RPS9: variants seen among roughly 807,000 people sequenced by gnomAD.
RPS9 encodes the protein small ribosomal subunit protein uS4.
RPS9 carries 1 observed loss-of-function variant against 16.9 expected under a neutral mutation model. That is an observed-to-expected ratio of 0.06 (90% CI 0.02 to 0.28). The LOEUF (loss-of-function observed/expected upper bound fraction) is 0.28, where lower values mean the gene tolerates loss of function less well. Among genes scored for constraint, RPS9 ranks in the 10% least tolerant of loss-of-function variants. RPS9 has a pLI of 1.00. For missense variants in RPS9, 137 were observed against 273.2 expected (o/e 0.50, Z 3.51); for synonymous variants, 106 against 110.9 (o/e 0.96, Z 0.28).
intron 3 of RPS9, among the ~76,000 whole-genome samples, chr19:54,205,167 A>G (rs1485206191): frequency 6.6e-6 from 1 of 152,094 alleles, no homozygotes; most frequent in African/African-American, 2.4e-5. Context: ...ACCCCAGTCA[A>G]GGGGCAGTTG....
intron 1 of RPS9, 84 bp from the exon 2 acceptor site, chr19:54,201,067 GATCGGATCT>G: frequency 6.6e-7 from 1 of 1,524,356 alleles, no homozygotes; most frequent in African/African-American, 1.4e-5. Context: ...ATTCTCGCGA[GATCGGATCT>G]GGGCTCCGCG....
chr19:54,201,089 G>T, intron 1 of RPS9, 71 bp from the exon 2 acceptor site: 1 of 1,581,580 alleles, frequency 6.3e-7, no homozygotes, highest in Non-Finnish European at 8.6e-7. Context: ...GCTCCGCGAG[G>T]TTTTGGCGTA....
At chr19:54,204,152 G>T (rs1378480565) in intron 3 of RPS9, among the ~76,000 whole-genome samples, 1 of 152,214 alleles carries the variant, frequency 6.6e-6, no homozygotes, top group Non-Finnish European at 1.5e-5. Flanking sequence ...GGCAGAGGCA[G>T]GCGGATCACC....
At chr19:54,206,888 G>A (rs991261136) in intron 4 of RPS9, 28 of 600,284 alleles carry the variant, frequency 4.7e-5, no homozygotes, top group African/African-American at 4.6e-4. Context: ...TGGCACCATT[G>A]AGGGGGAGGA....
intron 3 of RPS9, chr19:54,202,572 T>G (rs2077096224): frequency 1.0e-6 from 1 of 983,886 alleles, no homozygotes; most frequent in South Asian, 4.7e-5. Context: ...AAATACACAT[T>G]AAATTGAAAA....
Position 54,201,032 on chromosome 19 carries a change from A to G in RPS9, c.-25-128A>G, listed in dbSNP as rs2147127428. 2.0e-6 allele frequency: 3 copies of G among 1,467,952 alleles called. No individual in the cohort carries two copies. In the East Asian group the frequency reaches 7.4e-5, roughly 36 times the overall value. 90.9% of individuals were successfully genotyped at this position (1,467,952 alleles called of 1,614,324 possible). ...GTGCAGCACGGTTGTGGGGGCAGAT[A>G]CTGACTATGAGAGCGTTGGAGGTTA... is the stretch of plus-strand genomic sequence containing the variant. On this transcript the variant is annotated intron_variant, in intron 1 of 4. Coordinates refer to ENST00000302907, the MANE Select transcript of RPS9 (RefSeq NM_001013.4).
At position 54,207,008 on chromosome 19, in the gene RPS9, C is replaced by T. The variant is rs761568972; in HGVS notation, c.408-390C>T. On this transcript the variant is annotated intron_variant, in intron 4 of 4. Coordinates refer to ENST00000302907, the MANE Select transcript of RPS9 (RefSeq NM_001013.4). The stretch of plus-strand genomic sequence containing the variant: ...TGTGTGTCAATGCTTTCGTCGGAGA[C>T]GTAGCCTCGGGTTGCTGTGTTATTG... The T allele has an allele frequency of 1.2e-5, 5 of 428,848 alleles. No individual in the cohort carries two copies. In the East Asian group the frequency reaches 1.7e-4, roughly 14 times the overall value. 26.6% of individuals were successfully genotyped at this position (428,848 alleles called of 1,614,324 possible).
intron 3 of RPS9, chr19:54,202,609 A>C: frequency 1.0e-6 from 1 of 985,406 alleles, no homozygotes; most frequent in Non-Finnish European, 1.2e-6. Flanking sequence ...TCTTGTTTTA[A>C]AATCTACTCT....
chr19:54,205,626 G>C (rs955912101), intron 3 of RPS9, among the ~76,000 whole-genome samples: 1 of 152,108 alleles, frequency 6.6e-6, no homozygotes, highest in African/African-American at 2.4e-5. Context: ...TACGGTGGTA[G>C]TAGCTTAATA....
Position 54,204,612 on chromosome 19 carries a change from C to A in RPS9, c.221-1664C>A, listed in dbSNP as rs530539358. ...TTGTTTTGGTACAAATGCGGTCTCACTGTGTTGCCGAGGCTAGTTTCAAAC... is the reference window on the plus strand; with the variant it reads ...TTGTTTTGGTACAAATGCGGTCTCAATGTGTTGCCGAGGCTAGTTTCAAAC... On this transcript the variant is annotated intron_variant, in intron 3 of 4. Coordinates refer to ENST00000302907, the MANE Select transcript of RPS9 (RefSeq NM_001013.4). 2.6e-5 allele frequency among the ~76,000 whole-genome samples: 4 copies of A among 152,196 alleles called. No homozygotes were observed. The East Asian group carries it at 7.7e-4, about 29-fold the overall frequency.
Position 54,202,704 on chromosome 19 carries a change from C to T in RPS9, c.220+1095C>T, listed in dbSNP as rs533239825. On this transcript the variant is annotated intron_variant, in intron 3 of 4. Transcript: ENST00000302907. ...TGTATATCCTGAGACGCTGCTTTTG[C>T]CTGAGTTTGGGTAGTCATGATTTAT... 8.0e-5 allele frequency: 79 copies of T among 985,368 alleles called. 1 individual carries two copies. In the South Asian group the frequency reaches 3.4e-3, roughly 42 times the overall value. 61.0% of individuals were successfully genotyped at this position (985,368 alleles called of 1,614,324 possible).
chr19:54,202,272 G>T, intron 3 of RPS9: 1 of 227,768 alleles, frequency 4.4e-6, no homozygotes, highest in Non-Finnish European at 7.3e-6. Flanking sequence ...TGCAAACTCC[G>T]CCTCCAGAGT....
intron 3 of RPS9, chr19:54,203,100 G>A: frequency 1.0e-6 from 1 of 984,436 alleles, no homozygotes. Flanking sequence ...ATTCATCCCA[G>A]GGTTCTGTGG....
At chr19:54,204,366 A>G (rs1429660541) in intron 3 of RPS9, among the ~76,000 whole-genome samples, 1 of 152,236 alleles carries the variant, frequency 6.6e-6, no homozygotes, top group Admixed American at 6.5e-5. Flanking sequence ...ACTCTGTCTC[A>G]AAAATGATAA....
chr19:54,201,653 GT>G (rs1568886720), intron 3 of RPS9, 44 bp downstream of exon 3: 20 of 1,610,140 alleles, frequency 1.2e-5, no homozygotes, highest in Non-Finnish European at 1.7e-5. Flanking sequence ...TGCAGGGCTT[GT>G]GAGGTTCATT....
chr19:54,202,475 A>G (rs2077091760), intron 3 of RPS9: 1 of 985,288 alleles, frequency 1.0e-6, no homozygotes, highest in Non-Finnish European at 1.2e-6. Flanking sequence ...GAACCTGTAA[A>G]ATGTCTCAGG....
In RPS9 at chr19:54,201,147, C is replaced by T. The variant is rs568747437; in HGVS notation, c.-25-13C>T. 10 of 1,612,456 alleles carry T rather than the reference C, an allele frequency of 6.2e-6. No homozygotes were observed. Among genetic ancestry groups the T allele is most frequent in the Admixed American group, 5.0e-5 (3 of 60,006 alleles). Reference sequence around the variant, plus strand: ...GTTTGGATCCCTTACGCTCACACTTCTCTCCCGCGCAGGCGCAGACGGGGA... The same window carrying T: ...GTTTGGATCCCTTACGCTCACACTTTTCTCCCGCGCAGGCGCAGACGGGGA... On this transcript the variant is annotated splice_polypyrimidine_tract_variant and intron_variant, in intron 1 of 4. Transcript: ENST00000302907.
intron 2 of RPS9, 91 bp from the exon 3 acceptor site, chr19:54,201,396 G>A: frequency 6.2e-7 from 1 of 1,606,964 alleles, no homozygotes; most frequent in Non-Finnish European, 8.5e-7. Context: ...ACTATTCGTG[G>A]TTTAGGAAGG....
rs2077036959 is a variant in RPS9, at chr19:54,201,212, C to A, written c.28C>A (p.Arg10Ser). 1 of 1,610,100 alleles carries A rather than the reference C, an allele frequency of 6.2e-7. No homozygotes were observed. Among genetic ancestry groups the A allele is most frequent in the Non-Finnish European group, 8.5e-7 (1 of 1,177,012 alleles). MPVARSWVC[R>S]KTYVTPRRPF... is the part of the protein sequence containing the mutation. ...GCCAGTGGCCCGGAGCTGGGTTTGT[C>A]GCAAAACTTATGTGACCCCGCGGAG... is the stretch of plus-strand genomic sequence containing the variant. The change falls in exon 2 of 5, where the codon CGC becomes AGC. Residue 10 changes from arginine (R) to serine (S), a missense_variant. Arg to Ser is a moderately radical substitution (Grantham distance 110). This residue lies in a region of RPS9 where 64 missense variants were observed against 164.0 expected (regional missense o/e 0.39). Transcript: ENST00000302907.
Sources: allele counts gnomAD v4.1 joint callset (sites outside exome capture counted in the v4.1 genomes callset), GRCh38; gene constraint gnomAD v4.1.1; regional missense constraint gnomAD v4.1.1; transcripts MANE v1.5; gene names NCBI Gene and HGNC (gene_info 2026-07-23, HGNC 2026-07-21).